Variants in MPP7 observed in about 807,000 individuals in gnomAD.
MPP7 encodes the protein MAGUK p55 scaffold protein 7, also known as MAGUK p55 subfamily member 7.
MPP7 carries 60 observed loss-of-function variants against 76.5 expected under a neutral mutation model. The observed-to-expected ratio is 0.78, with a 90% confidence interval of 0.64 to 0.97. MPP7 has a LOEUF of 0.97. MPP7 is among the 50% of genes least tolerant of loss of function. MPP7 has a pLI of 0.00. For synonymous variants in MPP7, 237 were observed against 244.5 expected, an observed-to-expected ratio of 0.97 and a Z score of 0.29; for missense variants, 641 against 694.0, an observed-to-expected ratio of 0.92 and a Z score of 0.86.
intron 8 of MPP7, among the ~76,000 whole-genome samples, chr10:28,123,626 G>A (rs745457201): frequency 5.3e-4 from 80 of 151,910 alleles, no homozygotes; most frequent in Non-Finnish European, 1.1e-3. Flanking sequence ...CTGCCACCAC[G>A]TGCAGCTAAT....
intron 1 of MPP7, among the ~76,000 whole-genome samples, chr10:28,261,092 T>C (rs1839935892): frequency 6.6e-6 from 1 of 152,202 alleles, no homozygotes; most frequent in South Asian, 2.1e-4. Context: ...ATCTTTCAAC[T>C]AAGAAAAATT....
Position 28,273,343 on chromosome 10 carries a change from C to T in MPP7, c.-132+29518G>A, listed in dbSNP as rs1840387705. 2.0e-5 allele frequency among the ~76,000 whole-genome samples: 3 copies of T among 152,190 alleles called. No homozygotes were observed. The South Asian group carries it at 6.2e-4, about 31-fold the overall frequency. ...ATTAACCAGGAAGTCTTTTCCATAT[C>T]TTATGGTACAATTACAAAAGAATTC... On this transcript the variant is annotated intron_variant, in intron 1 of 16. Transcript: ENST00000683449.
intron 1 of MPP7, among the ~76,000 whole-genome samples, chr10:28,257,533 G>A (rs1839822620): frequency 7.0e-6 from 1 of 142,996 alleles, no homozygotes; most frequent in Non-Finnish European, 1.5e-5. Context: ...CTCATAGGTG[G>A]GAATTGAACA....
At chr10:28,267,949 T>G (rs1031533099) in intron 1 of MPP7, among the ~76,000 whole-genome samples, 1 of 152,000 alleles carries the variant, frequency 6.6e-6, no homozygotes, top group East Asian at 1.9e-4. Flanking sequence ...GGTGGGAGGA[T>G]AGCTGGGACG....
At chr10:28,068,486 T>A (rs3885635) in intron 13 of MPP7, among the ~76,000 whole-genome samples, 22,015 of 151,940 alleles carry the variant, frequency 0.14, 2,269 homozygotes, top group East Asian at 0.5. Context: ...CAGCTTTCTA[T>A]TATCAACATA....
intron 3 of MPP7, among the ~76,000 whole-genome samples, chr10:28,158,117 G>A (rs1836130919): frequency 6.6e-6 from 1 of 152,102 alleles, no homozygotes; most frequent in Non-Finnish European, 1.5e-5. Context: ...AACACCCTGG[G>A]ATCACCGTGG....
intron 2 of MPP7, among the ~76,000 whole-genome samples, chr10:28,213,658 G>A (rs1047348073): frequency 6.6e-6 from 1 of 151,872 alleles, no homozygotes; most frequent in Admixed American, 6.6e-5. Flanking sequence ...CAGGTGTGGT[G>A]GCACATGCCT....
At chr10:28,226,158 G>T (rs545867229) in intron 2 of MPP7, among the ~76,000 whole-genome samples, 9 of 152,160 alleles carry the variant, frequency 5.9e-5, no homozygotes, top group Non-Finnish European at 1.2e-4. Context: ...AATACTCTAT[G>T]ATTCCACTTA....
At chr10:28,121,019 T>C (rs536437526) in intron 8 of MPP7, among the ~76,000 whole-genome samples, 3 of 152,178 alleles carry the variant, frequency 2.0e-5, no homozygotes, top group African/African-American at 7.2e-5. Flanking sequence ...GAACAGATAA[T>C]GTATAAAGGT....
At chr10:28,062,662 C>G (rs1045959841) in intron 13 of MPP7, among the ~76,000 whole-genome samples, 1 of 151,418 alleles carries the variant, frequency 6.6e-6, no homozygotes, top group Non-Finnish European at 1.5e-5. Context: ...ATCATCTCAA[C>G]GTATGCAAAG....
At position 28,069,863 on chromosome 10, in the gene MPP7, G is replaced by A; in HGVS notation, c.1124-11C>T. The A allele has an allele frequency of 1.2e-6, 2 of 1,610,298 alleles. No individual in the cohort carries two copies. Among genetic ancestry groups the A allele is most frequent in the Middle Eastern group, 1.7e-4 (1 of 6,054 alleles). Reference sequence around the variant, plus strand: ...CTACTCCCACGGGACCTGAAAAACAGGGTAACAGAAATTCATTATTGGACA... The same window carrying A: ...CTACTCCCACGGGACCTGAAAAACAAGGTAACAGAAATTCATTATTGGACA... On this transcript the variant is annotated splice_polypyrimidine_tract_variant and intron_variant, in intron 12 of 16. Coordinates refer to ENST00000683449, the MANE Select transcript of MPP7 (RefSeq NM_001318170.2).
chr10:28,301,268 T>C (rs899994322), intron 1 of MPP7, among the ~76,000 whole-genome samples: 1 of 152,218 alleles, frequency 6.6e-6, no homozygotes, highest in African/African-American at 2.4e-5. Context: ...CAATTATTTC[T>C]ATTCAATTCA....
chr10:28,187,615 C>T (rs1046176676), intron 3 of MPP7, among the ~76,000 whole-genome samples: 8 of 152,188 alleles, frequency 5.3e-5, no homozygotes, highest in Non-Finnish European at 8.8e-5. Flanking sequence ...CTTAATACCA[C>T]CTCTCCCTTC....
chr10:28,307,163 G>A (rs1408631320), upstream of MPP7, among the ~76,000 whole-genome samples: 1 of 152,188 alleles, frequency 6.6e-6, no homozygotes, highest in Non-Finnish European at 1.5e-5. Flanking sequence ...AGTCAATGAG[G>A]CTTCCTTTCT....
intron 3 of MPP7, among the ~76,000 whole-genome samples, chr10:28,189,417 A>G (rs1020350640): frequency 2.0e-5 from 3 of 151,956 alleles, no homozygotes; most frequent in Non-Finnish European, 4.4e-5. Context: ...TACAAAAAAA[A>G]AGTTAGCTGG....
intron 1 of MPP7, among the ~76,000 whole-genome samples, chr10:28,270,542 G>GC (rs1840292650): frequency 1.6e-5 from 2 of 127,144 alleles, no homozygotes; most frequent in East Asian, 2.8e-4. Context: ...AGGGGGGGGG[G>GC]GAGGAGGGGA....
intron 12 of MPP7, among the ~76,000 whole-genome samples, chr10:28,089,422 ACAG>A (rs1357100268): frequency 6.6e-6 from 1 of 152,124 alleles, no homozygotes; most frequent in Admixed American, 6.6e-5. Flanking sequence ...ATATATTACA[ACAG>A]TGTTTGCTAT....
At chr10:28,127,004 T>C (rs1163318007) in intron 6 of MPP7, among the ~76,000 whole-genome samples, 1 of 152,168 alleles carries the variant, frequency 6.6e-6, no homozygotes, top group Non-Finnish European at 1.5e-5. Flanking sequence ...ACCATCTGAC[T>C]GTATGTATGA....
At chr10:28,287,917 T>C (rs192473999) in intron 1 of MPP7, among the ~76,000 whole-genome samples, 1 of 152,222 alleles carries the variant, frequency 6.6e-6, no homozygotes, top group Non-Finnish European at 1.5e-5. Context: ...AAATAAGCTT[T>C]AAGAAATGGC....
Sources: gnomAD v4.1 joint callset for allele counts (sites outside exome capture counted in the v4.1 genomes callset) on GRCh38, gnomAD v4.1.1 for gene constraint, MANE v1.5 for transcripts, NCBI Gene and HGNC (gene_info 2026-07-23, HGNC 2026-07-21) for gene names.